SYNE2: variants seen among roughly 807,000 people sequenced by gnomAD.
SYNE2 encodes the protein nesprin-2.
In SYNE2, 431 loss-of-function variants were observed where a neutral mutation model predicts 856.3. The observed-to-expected ratio is 0.50, with a 90% CI of 0.47 to 0.55. The LOEUF is 0.55. Ranked by LOEUF, SYNE2 falls within the 20% of genes least tolerant of loss-of-function variation. The pLI is 0.00. For synonymous variants in SYNE2, 2,923 were observed against 2,872.3 expected (o/e 1.02, Z -0.56); for missense variants, 8,129 against 8,023.2 (o/e 1.01, Z -0.50).
At chr14:63,939,146 T>C (rs2095869178) in intron 2 of SYNE2, among the ~76,000 whole-genome samples, 1 of 151,936 alleles carries the variant, frequency 6.6e-6, no homozygotes, top group Non-Finnish European at 1.5e-5. Flanking sequence ...GGTGAGGAGA[T>C]GTGGGGAGAT....
At position 64,078,581 on chromosome 14, in the gene SYNE2, T is replaced by C. The variant is rs201740276; in HGVS notation, c.11138T>C (p.Ile3713Thr). ...EKMLQQKSKN[I>T]EKAQEIQKKM... The stretch of plus-strand genomic sequence containing the variant: ...ATGTTGCAGCAGAAAAGCAAAAATA[T>C]TGAGAAAGCTCAAGAAATTCAAAAG... Residue 3713 changes from isoleucine (I) to threonine (T), a missense_variant, in exon 55 of 116, where the codon ATT (isoleucine) becomes ACT (threonine). This residue lies in a region of SYNE2 where 5,410 missense variants were observed against 5,284.8 expected (regional missense o/e 1.02). Coordinates refer to ENST00000555002, the MANE Select transcript of SYNE2 (RefSeq NM_182914.3). 2.5e-6 allele frequency: 4 copies of C among 1,614,094 alleles called. No homozygotes were observed. The highest frequency in any genetic ancestry group is 1.1e-5 in the South Asian group (1 of 91,074).
intron 85 of SYNE2, among the ~76,000 whole-genome samples, chr14:64,156,965 A>G (rs2098291454): frequency 6.6e-6 from 1 of 152,214 alleles, no homozygotes; most frequent in African/African-American, 2.4e-5. Context: ...GTTATTAAAC[A>G]GAAAACAGGG....
intron 14 of SYNE2, among the ~76,000 whole-genome samples, chr14:63,979,721 G>A (rs561124729): frequency 2.0e-5 from 3 of 152,282 alleles, no homozygotes; most frequent in Admixed American, 6.5e-5. Context: ...GAGACATGGC[G>A]AAACCCTGTC....
intron 64 of SYNE2, among the ~76,000 whole-genome samples, chr14:64,105,512 C>A (rs1011143702): frequency 6.6e-6 from 1 of 152,076 alleles, no homozygotes; most frequent in Admixed American, 6.5e-5. Context: ...AGGTTTTATT[C>A]CCATTTTAAA....
chr14:64,064,055 T>C (rs2097338681), intron 50 of SYNE2, among the ~76,000 whole-genome samples: 2 of 152,200 alleles, frequency 1.3e-5, no homozygotes, highest in Non-Finnish European at 1.5e-5. Flanking sequence ...AATATGTCAT[T>C]GTACTGTTTT....
chr14:64,080,164 G>C (rs192491270), intron 55 of SYNE2, among the ~76,000 whole-genome samples: 3 of 152,160 alleles, frequency 2.0e-5, no homozygotes, highest in Admixed American at 2.0e-4. Flanking sequence ...TGAGAGATGA[G>C]GGCTATATTG....
intron 94 of SYNE2, 132 bp from the exon 95 acceptor site, chr14:64,174,812 T>C (rs2098426266): frequency 2.6e-6 from 2 of 783,044 alleles, no homozygotes; most frequent in East Asian, 2.7e-5. Context: ...ATGTACATTC[T>C]GACCCAATTT....
At chr14:64,183,337 C>T (rs1288729433) in intron 96 of SYNE2, among the ~76,000 whole-genome samples, 1 of 143,548 alleles carries the variant, frequency 7.0e-6, no homozygotes, top group Non-Finnish European at 1.5e-5. Flanking sequence ...GGCAGAGGCG[C>T]TCCCCACATC....
chr14:63,785,599 G>A (rs1227287915), intron 1 of SYNE2, among the ~76,000 whole-genome samples: 1 of 152,172 alleles, frequency 6.6e-6, no homozygotes, highest in Non-Finnish European at 1.5e-5. Context: ...GGGATGAATT[G>A]CTTGAAGGAA....
At chr14:63,827,509 C>A (rs1889480945) in intron 1 of SYNE2, among the ~76,000 whole-genome samples, 1 of 150,740 alleles carries the variant, frequency 6.6e-6, no homozygotes, top group African/African-American at 2.4e-5. Flanking sequence ...CCTGTAATCC[C>A]AGCTACTTGG....
intron 10 of SYNE2, among the ~76,000 whole-genome samples, chr14:63,966,622 G>A (rs1441063351): frequency 1.3e-5 from 2 of 149,810 alleles, no homozygotes; most frequent in Non-Finnish European, 3.0e-5. Flanking sequence ...GCAGTGGCCC[G>A]ATCACAGTTC....
rs755917610 is a variant in SYNE2, at chr14:64,224,431, T to C, written c.20383-30T>C. On this transcript the variant is annotated intron_variant, in intron 113 of 115. Transcript: ENST00000555002. The stretch of plus-strand genomic sequence containing the variant: ...GAAGAATATGCATGAAACACATTTC[T>C]GTGCTCAACCTTTGGGGTCTGAATT... 3.1e-6 allele frequency: 5 copies of C among 1,605,492 alleles called. No homozygotes were observed. In the South Asian group the frequency reaches 5.5e-5, roughly 18 times the overall value.
intron 9 of SYNE2, among the ~76,000 whole-genome samples, chr14:63,963,517 G>A (rs1457534091): frequency 2.6e-5 from 4 of 152,164 alleles, no homozygotes; most frequent in Non-Finnish European, 5.9e-5. Context: ...GCTCTCGAAA[G>A]TGTTTGAGTT....
At chr14:64,159,167 T>G in intron 86 of SYNE2, 145 bp from the exon 87 acceptor site, 1 of 1,148,614 alleles carries the variant, frequency 8.7e-7, no homozygotes, top group South Asian at 1.3e-5. Flanking sequence ...CCTTCTCCAT[T>G]GTTTTCTTCA....
rs998815895 is a variant in SYNE2, at chr14:63,990,478, A to G, written c.2381A>G (p.Asp794Gly). Residue 794 changes from aspartate to glycine, a missense_variant, in exon 20 of 116, where the codon GAT becomes GGT. By Grantham distance (94) the Asp-to-Gly change is moderately conservative. This residue lies in a region of SYNE2 where 2,422 missense variants were observed against 2,357.4 expected (regional missense o/e 1.03). Transcript: ENST00000555002. ...AGAAGTGAAGATATGTTACAAATGG[A>G]TATACAAAATATTTCAAGCCAGGAG... is the stretch of plus-strand genomic sequence containing the variant. ...MARSEDMLQM[D>G]IQNISSQESF... is the part of the protein sequence containing the mutation. 5 of 1,613,818 alleles carry G rather than the reference A, an allele frequency of 3.1e-6. No homozygotes were observed. Among genetic ancestry groups the G allele is most frequent in the African/African-American group, 2.7e-5 (2 of 75,044 alleles).
rs751103449 is a variant in SYNE2, at chr14:64,065,385, A to G, written c.10213-47A>G. On this transcript the variant is annotated intron_variant, in intron 50 of 115. Transcript: ENST00000555002. Reference sequence around the variant, plus strand: ...TAAAAGAGTTAGTAAGTTTCAGGAAAACCATAATAGTATGTCCCTCTTATT... The same window carrying G: ...TAAAAGAGTTAGTAAGTTTCAGGAAGACCATAATAGTATGTCCCTCTTATT... The G allele has an allele frequency of 5.8e-6, 9 of 1,544,072 alleles. No homozygotes were observed. The South Asian group carries it at 9.1e-5, about 16-fold the overall frequency.
Position 63,878,166 on chromosome 14 carries a change from C to T in SYNE2, c.-52+25023C>T, listed in dbSNP as rs58327395. ...CCTCCCAAAGTGCTAGGATTACAGG[C>T]TTGAGCCATCACACCCAGCCTAACA... On this transcript the variant is annotated intron_variant, in intron 1 of 115. Coordinates refer to ENST00000555002, the MANE Select transcript of SYNE2 (RefSeq NM_182914.3). Among the ~76,000 whole-genome samples, 977 of 152,156 alleles carry T rather than the reference C, an allele frequency of 6.4e-3. 16 individuals carry two copies. Among genetic ancestry groups the T allele is most frequent in the African/African-American group, 0.023 (935 of 41,514 alleles).
intron 80 of SYNE2, 143 bp from the exon 81 acceptor site, chr14:64,141,198 T>C (rs2153692069): frequency 1.5e-6 from 1 of 666,618 alleles, no homozygotes; most frequent in East Asian, 2.8e-5. Context: ...TGCCCAACAG[T>C]AGGAAAAAGG....
At chr14:64,108,532 C>G (rs2097785735) in intron 65 of SYNE2, among the ~76,000 whole-genome samples, 1 of 152,114 alleles carries the variant, frequency 6.6e-6, no homozygotes, top group Non-Finnish European at 1.5e-5. Flanking sequence ...TGGTGTTTAG[C>G]TGGACCTAAA....
Sources: allele counts gnomAD v4.1 joint callset (sites outside exome capture counted in the v4.1 genomes callset), GRCh38; gene constraint gnomAD v4.1.1; regional missense constraint gnomAD v4.1.1; transcripts MANE v1.5; gene names NCBI Gene and HGNC (gene_info 2026-07-23, HGNC 2026-07-21).